HTRA4: variants seen among roughly 807,000 people sequenced by gnomAD.
HTRA4 encodes the protein serine protease HTRA4.
Under a neutral mutation model 49.1 loss-of-function variants are expected in HTRA4, and 46 were observed. That is an observed-to-expected ratio of 0.94 (90% CI 0.74 to 1.20). HTRA4 has a LOEUF of 1.20. Ranked by LOEUF, HTRA4 falls within the 50% of genes most tolerant of loss-of-function variation. The probability of loss-of-function intolerance (pLI) is 0.00; values close to 1 mark genes in which losing one functional copy is unlikely to be tolerated. For missense variants in HTRA4, 602 were observed against 636.9 expected (o/e 0.95, Z 0.59); for synonymous variants, 261 against 264.0 (o/e 0.99, Z 0.11).
intron 5 of HTRA4, among the ~76,000 whole-genome samples, chr8:38,979,673 T>TTTTA (rs766023340): frequency 3.3e-4 from 51 of 152,270 alleles, no homozygotes; most frequent in Non-Finnish European, 5.9e-4. Flanking sequence ...AAGCCCTGGA[T>TTTTA]TTTATTTATT....
At chr8:38,978,773 G>A (rs1835384111) in intron 4 of HTRA4, among the ~76,000 whole-genome samples, 1 of 151,492 alleles carries the variant, frequency 6.6e-6, no homozygotes. Flanking sequence ...GAAGGGGGTG[G>A]ATCATGAGGT....
chr8:38,981,314 C>T (rs971974158), intron 5 of HTRA4, among the ~76,000 whole-genome samples: 12 of 151,544 alleles, frequency 7.9e-5, no homozygotes, highest in African/African-American at 2.7e-4. Context: ...CTCCTGACCT[C>T]GTGATCCGCC....
intron 5 of HTRA4, among the ~76,000 whole-genome samples, chr8:38,980,801 A>G (rs1835409526): frequency 6.6e-6 from 1 of 152,144 alleles, no homozygotes; most frequent in Admixed American, 6.5e-5. Flanking sequence ...AAAAGGCTAA[A>G]GGAAGATGAG....
chr8:38,981,751 T>A lies in HTRA4; in HGVS notation c.1098T>A (p.His366Gln). ...DRVRQFLAEY[H>Q]EHQMKGKAFS... ...TTAGGCAGTTCTTGGCAGAATACCA[T>A]GAGCACCAGATGAAAGGTAAAGCAA... Residue 366 changes from histidine (H) to glutamine (Q), a missense_variant, in exon 6 of 9, where the codon CAT becomes CAA. By Grantham distance (24) the His-to-Gln change is conservative. Transcript: ENST00000302495. The A allele has an allele frequency of 6.2e-7, 1 of 1,612,020 alleles. No individual in the cohort carries two copies. Among genetic ancestry groups the A allele is most frequent in the Non-Finnish European group, 8.5e-7 (1 of 1,178,582 alleles).
chr8:38,987,637 T>C (rs1163929307), intron 8 of HTRA4, among the ~76,000 whole-genome samples: 1 of 152,114 alleles, frequency 6.6e-6, no homozygotes, highest in South Asian at 2.1e-4. Context: ...TGATAGAAAT[T>C]AAAAGCTAAA....
Position 38,974,327 on chromosome 8 carries a change from C to T in HTRA4, c.64C>T (p.Leu22Phe), listed in dbSNP as rs1835311771. The change falls in exon 1 of 9, where the codon CTC becomes TTC. Residue 22 changes from leucine (L) to phenylalanine (F), a missense_variant. Transcript: ENST00000302495. Reference protein sequence around the residue: ...GRCLLPGLLLLLVPVLWAGAE... With the variant: ...GRCLLPGLLLFLVPVLWAGAE... The stretch of plus-strand genomic sequence containing the variant: ...ATGCCTCCTGCCGGGGCTGCTGCTG[C>T]TCCTGGTGCCCGTCCTCTGGGCCGG... 1 of 1,612,680 alleles carries T rather than the reference C, an allele frequency of 6.2e-7. No individual in the cohort carries two copies.
intron 2 of HTRA4, 121 bp from the exon 3 acceptor site, chr8:38,976,414 A>C (rs1684440826): frequency 1.0e-6 from 1 of 959,142 alleles, no homozygotes; most frequent in Admixed American, 2.6e-5. Context: ...GAAAAAAGAA[A>C]AGAAAAGAAA....
intron 8 of HTRA4, among the ~76,000 whole-genome samples, chr8:38,983,860 C>T (rs1431079952): frequency 6.6e-6 from 1 of 151,878 alleles, no homozygotes; most frequent in Non-Finnish European, 1.5e-5. Flanking sequence ...AAGAAGAGCT[C>T]ATGTTATGAG....
chr8:38,977,205 G>A (rs999675722), intron 3 of HTRA4, among the ~76,000 whole-genome samples: 1 of 151,946 alleles, frequency 6.6e-6, no homozygotes, highest in Non-Finnish European at 1.5e-5. Flanking sequence ...CAAAGTGCTG[G>A]GATTACAGGT....
chr8:38,985,229 C>T (rs1048109630), intron 8 of HTRA4, among the ~76,000 whole-genome samples: 18 of 142,646 alleles, frequency 1.3e-4, no homozygotes, highest in Admixed American at 8.5e-4. Flanking sequence ...GATGCGATCT[C>T]GGCTCACTGC....
intron 3 of HTRA4, among the ~76,000 whole-genome samples, chr8:38,977,266 C>CT (rs34914364): frequency 0.44 from 62,253 of 141,260 alleles, 13,663 homozygotes; most frequent in East Asian, 0.73. Context: ...ATCAAGCAGT[C>CT]TTTTTTTTTT....
chr8:38,974,798 C>A, intron 1 of HTRA4, 69 bp downstream of exon 1: 1 of 1,364,218 alleles, frequency 7.3e-7, no homozygotes, highest in Non-Finnish European at 9.7e-7. Flanking sequence ...AACAAGACCT[C>A]ACTGAGACCG....
intron 5 of HTRA4, among the ~76,000 whole-genome samples, chr8:38,981,321 C>T (rs1257710334): frequency 1.3e-5 from 2 of 151,806 alleles, no homozygotes; most frequent in African/African-American, 4.8e-5. Flanking sequence ...CCTCGTGATC[C>T]GCCCGCCTCG....
At chr8:38,977,840 C>A (rs1377052504) in intron 3 of HTRA4, 113 bp from the exon 4 acceptor site, 4 of 1,085,256 alleles carry the variant, frequency 3.7e-6, no homozygotes, top group East Asian at 2.6e-5. Flanking sequence ...TGGTAAGGGC[C>A]AAGGTGATAG....
At chr8:38,981,088 T>TTTTG (rs1835416706) in intron 5 of HTRA4, among the ~76,000 whole-genome samples, 1 of 125,296 alleles carries the variant, frequency 8.0e-6, no homozygotes, top group African/African-American at 3.8e-5. Flanking sequence ...TTTTTTTTTT[T>TTTTG]TTTTTTTTTG....
intron 2 of HTRA4, 112 bp from the exon 3 acceptor site, chr8:38,976,421 GAA>G: frequency 1.0e-6 from 1 of 993,272 alleles, no homozygotes; most frequent in South Asian, 1.5e-5. Flanking sequence ...GAAAAGAAAA[GAA>G]AACTATGATG....
chr8:38,976,153 T>C (rs1835348484), intron 2 of HTRA4, among the ~76,000 whole-genome samples: 1 of 152,224 alleles, frequency 6.6e-6, no homozygotes. Context: ...GGCTCATGCC[T>C]GTAATCCCAG....
At chr8:38,985,270 C>T (rs1835470877) in intron 8 of HTRA4, among the ~76,000 whole-genome samples, 1 of 149,414 alleles carries the variant, frequency 6.7e-6, no homozygotes, top group Admixed American at 6.9e-5. Flanking sequence ...AAGTGATTCT[C>T]CTGCCTCAGC....
chr8:38,981,297 T>C (rs962977337), intron 5 of HTRA4, among the ~76,000 whole-genome samples: 10 of 151,610 alleles, frequency 6.6e-5, no homozygotes, highest in Non-Finnish European at 1.2e-4. Flanking sequence ...GCCAGGATGG[T>C]CTCGATCTCC....
Sources: allele counts gnomAD v4.1 joint callset (sites outside exome capture counted in the v4.1 genomes callset), GRCh38; gene constraint gnomAD v4.1.1; transcripts MANE v1.5; gene names NCBI Gene and HGNC (gene_info 2026-07-23, HGNC 2026-07-21).